Variants in HERC6 observed in about 807,000 individuals in gnomAD.
HERC6 encodes the protein probable E3 ubiquitin-protein ligase HERC6.
A neutral mutation model predicts 114.5 loss-of-function variants in HERC6; 101 were observed. The observed-to-expected ratio is 0.88, with a 90% CI of 0.75 to 1.04. The LOEUF (loss-of-function observed/expected upper bound fraction) is 1.04. Ranked by LOEUF, HERC6 falls within the 50% of genes least tolerant of loss-of-function variation. HERC6 has a pLI of 0.00. For synonymous variants in HERC6, 408 were observed against 436.2 expected, an observed-to-expected ratio of 0.94 and a Z score of 0.81; for missense variants, 1,133 against 1,230.9, an observed-to-expected ratio of 0.92 and a Z score of 1.19.
intron 11 of HERC6, among the ~76,000 whole-genome samples, chr4:88,410,225 C>T (rs1736016542): frequency 6.6e-6 from 1 of 152,170 alleles, no homozygotes; most frequent in African/African-American, 2.4e-5. Flanking sequence ...CATCAATCCA[C>T]ATATATAAGA....
chr4:88,431,012 T>C (rs1738142481), intron 16 of HERC6, 150 bp from the exon 17 acceptor site: 1 of 653,408 alleles, frequency 1.5e-6, no homozygotes, highest in East Asian at 2.7e-5. Flanking sequence ...AGCAGCAAAC[T>C]GAGGGAAGAC....
At chr4:88,379,350 G>C (rs1234789217) in intron 1 of HERC6, among the ~76,000 whole-genome samples, 1 of 152,062 alleles carries the variant, frequency 6.6e-6, no homozygotes, top group Non-Finnish European at 1.5e-5. Flanking sequence ...CAGGAAAATG[G>C]TGCCCTGTGC....
rs766758119 is a variant in HERC6 at position 88,423,971 on chromosome 4, C to T, written c.1825C>T (p.Leu609=). 7.3e-7 allele frequency: 1 copy of T among 1,375,678 alleles called. No homozygotes were observed. Among genetic ancestry groups the T allele is most frequent in the South Asian group, 1.3e-5 (1 of 75,786 alleles). The allele number at this position is 1,375,678 out of a possible 1,614,324, so 85.2% of individuals were successfully genotyped here. ...AAGACAGCTCTTTCGGGATAACCAC[C>T]TGGTAAGAATAACATTTTTACTTCT... is the stretch of plus-strand genomic sequence containing the variant. ...RGRQLFRDNH[L]IPAETPSPVI... is the part of the protein sequence containing the mutation. The change falls in exon 14 of 23, where the codon CTG becomes TTG. Residue 609 remains leucine, a splice_region_variant and synonymous_variant. Coordinates refer to ENST00000264346, the MANE Select transcript of HERC6 (RefSeq NM_017912.4).
chr4:88,388,048 AT>A (rs1734678643), intron 3 of HERC6, among the ~76,000 whole-genome samples: 1 of 152,278 alleles, frequency 6.6e-6, no homozygotes, highest in African/African-American at 2.4e-5. Flanking sequence ...GAGTTAAAAA[AT>A]AAAAGATGTA....
At chr4:88,436,426 T>C (rs989093512) in intron 18 of HERC6, among the ~76,000 whole-genome samples, 3 of 152,224 alleles carry the variant, frequency 2.0e-5, no homozygotes, top group Admixed American at 1.3e-4. Context: ...ATTGGCTAGA[T>C]GTGTGCTGGA....
chr4:88,430,720 A>C (rs1416562206), intron 16 of HERC6, among the ~76,000 whole-genome samples: 1 of 152,210 alleles, frequency 6.6e-6, no homozygotes, highest in Non-Finnish European at 1.5e-5. Context: ...GCTGTTTTGC[A>C]GAAGCCCAAA....
chr4:88,426,130 A>AGACAGACAAG (rs1737582402), intron 15 of HERC6, among the ~76,000 whole-genome samples: 1 of 152,162 alleles, frequency 6.6e-6, no homozygotes, highest in Admixed American at 6.5e-5. Flanking sequence ...ATATCCTGCT[A>AGACAGACAAG]GTAGCATTCC....
chr4:88,379,654 T>A (rs191174777), intron 1 of HERC6, among the ~76,000 whole-genome samples: 4 of 110,926 alleles, frequency 3.6e-5, no homozygotes, highest in African/African-American at 1.5e-4. Flanking sequence ...ATATATAAAA[T>A]ATATAAATAT....
chr4:88,390,787 C>T lies in HERC6; in HGVS notation c.572C>T (p.Ala191Val), dbSNP rs1031027343. The change falls in exon 4 of 23, where the codon GCT becomes GTT. Residue 191 changes from alanine to valine, a missense_variant. Ala to Val is a moderately conservative substitution (Grantham distance 64, BLOSUM62 0). Around this residue, in one of 3 missense-constraint regions of HERC6, gnomAD observed 735 missense variants for 754.0 expected, o/e 0.97. Transcript: ENST00000264346. Reference protein sequence around the residue: ...IPLAQVAAGGAHSFALSLCGT... With the variant: ...IPLAQVAAGGVHSFALSLCGT... ...CTGGCTCAGGTGGCTGCCGGAGGGGCTCACAGCTTTGCCCTGTCTCTCTGT... is the reference window on the plus strand; with the variant it reads ...CTGGCTCAGGTGGCTGCCGGAGGGGTTCACAGCTTTGCCCTGTCTCTCTGT... 6 of 1,614,106 alleles carry T rather than the reference C, an allele frequency of 3.7e-6. No homozygotes were observed. The highest frequency in any genetic ancestry group is 2.2e-5 in the East Asian group (1 of 44,890).
chr4:88,385,454 C>T (rs1471036981), intron 2 of HERC6, 45 bp from the exon 3 acceptor site: 9 of 911,536 alleles, frequency 9.9e-6, no homozygotes, highest in East Asian at 5.5e-5. Context: ...CCGGACAACT[C>T]GCTCTAAATA....
intron 22 of HERC6, among the ~76,000 whole-genome samples, 154 bp from the exon 23 acceptor site, chr4:88,442,080 T>C (rs57769738): frequency 1.1e-3 from 171 of 152,344 alleles, no homozygotes; most frequent in African/African-American, 4.0e-3. Flanking sequence ...AGACCAAATG[T>C]CATGATTTTT....
intron 22 of HERC6, among the ~76,000 whole-genome samples, chr4:88,441,609 A>G (rs1739359917): frequency 6.6e-6 from 1 of 152,032 alleles, no homozygotes; most frequent in African/African-American, 2.4e-5. Context: ...TCACCATCTC[A>G]TCCCATTTGT....
intron 5 of HERC6, among the ~76,000 whole-genome samples, chr4:88,393,789 T>G (rs1024601364): frequency 2.0e-5 from 3 of 152,206 alleles, no homozygotes; most frequent in Admixed American, 2.0e-4. Context: ...GCCAGCAGAT[T>G]TGATGTCTGA....
At chr4:88,393,603 A>AT in intron 5 of HERC6, 21 bp downstream of exon 5, 2 of 1,509,980 alleles carry the variant, frequency 1.3e-6, no homozygotes, top group Non-Finnish European at 9.2e-7. Context: ...ACGTGTTGCT[A>AT]TTTTTTTGAG....
intron 12 of HERC6, among the ~76,000 whole-genome samples, chr4:88,415,607 CA>C (rs984684170): frequency 1.3e-5 from 2 of 152,168 alleles, no homozygotes; most frequent in Non-Finnish European, 2.9e-5. Flanking sequence ...ACCATGTTAT[CA>C]AACTTTGATC....
chr4:88,419,110 G>A (rs536859398), intron 13 of HERC6, among the ~76,000 whole-genome samples: 2 of 152,256 alleles, frequency 1.3e-5, no homozygotes, highest in South Asian at 2.1e-4. Flanking sequence ...AGTTCACCGA[G>A]GACTATGGCC....
intron 20 of HERC6, among the ~76,000 whole-genome samples, chr4:88,438,052 G>C (rs1738938752): frequency 6.7e-6 from 1 of 150,238 alleles, no homozygotes; most frequent in Non-Finnish European, 1.5e-5. Context: ...CTTGAACCCA[G>C]GAAGTGGAGG....
At chr4:88,419,321 GA>G (rs1736804602) in intron 13 of HERC6, among the ~76,000 whole-genome samples, 1 of 152,168 alleles carries the variant, frequency 6.6e-6, no homozygotes, top group Admixed American at 6.5e-5. Flanking sequence ...GTGGTATCCA[GA>G]AGTCACTGGG....
intron 22 of HERC6, 181 bp downstream of exon 22, chr4:88,440,431 C>T (rs1739228567): frequency 3.7e-6 from 2 of 540,082 alleles, no homozygotes; most frequent in South Asian, 2.8e-5. Context: ...AGAGCAGAAA[C>T]TTAATAGGCG....
Sources: allele counts gnomAD v4.1 joint callset (sites outside exome capture counted in the v4.1 genomes callset), GRCh38; gene constraint gnomAD v4.1.1; regional missense constraint gnomAD v4.1.1; transcripts MANE v1.5; gene names NCBI Gene and HGNC (gene_info 2026-07-23, HGNC 2026-07-21).